Variants in CCDC73 observed in about 807,000 individuals in gnomAD.
CCDC73 encodes coiled-coil domain containing 73.
Under a neutral mutation model 116.5 loss-of-function variants are expected in CCDC73, and 95 were observed. That is an observed-to-expected ratio of 0.82 (90% confidence interval 0.69 to 0.97). The LOEUF is 0.97. CCDC73 is among the 50% of genes least tolerant of loss of function. The probability of loss-of-function intolerance (pLI) is 0.00; values close to 1 mark genes in which losing one functional copy is unlikely to be tolerated. For missense variants in CCDC73, 1,066 were observed against 1,206.8 expected (o/e 0.88, Z 1.73); for synonymous variants, 398 against 401.3 (o/e 0.99, Z 0.10).
At chr11:32,658,803 A>T (rs1275970510) in intron 9 of CCDC73, among the ~76,000 whole-genome samples, 1 of 152,168 alleles carries the variant, frequency 6.6e-6, no homozygotes, top group Admixed American at 6.5e-5. Flanking sequence ...TAGACTGAAC[A>T]AAGAGAATAA....
At chr11:32,734,447 G>C (rs1378566119) in intron 2 of CCDC73, among the ~76,000 whole-genome samples, 2 of 105,926 alleles carry the variant, frequency 1.9e-5, no homozygotes, top group Non-Finnish European at 3.9e-5. Context: ...TTTTTTTATT[G>C]ATCATTCTTG....
chr11:32,629,834 T>A (rs1254014010), intron 14 of CCDC73, among the ~76,000 whole-genome samples: 3 of 146,774 alleles, frequency 2.0e-5, no homozygotes, highest in Non-Finnish European at 4.4e-5. Context: ...TAGAATTTTA[T>A]ATCCAGTGAA....
At chr11:32,769,055 C>T (rs998963476) in intron 1 of CCDC73, among the ~76,000 whole-genome samples, 3 of 152,130 alleles carry the variant, frequency 2.0e-5, no homozygotes, top group African/African-American at 7.2e-5. Context: ...AAAAGTTTGA[C>T]ATTACCAAGT....
chr11:32,797,009 C>CAAAA (rs1163144111), upstream of CCDC73, among the ~76,000 whole-genome samples: 33 of 74,592 alleles, frequency 4.4e-4, no homozygotes, highest in South Asian at 5.2e-4. Flanking sequence ...GAGACTGCCT[C>CAAAA]AAAAAAAAAA....
chr11:32,610,805 T>C (rs527623616), intron 17 of CCDC73, among the ~76,000 whole-genome samples: 1 of 152,376 alleles, frequency 6.6e-6, no homozygotes, highest in African/African-American at 2.4e-5. Context: ...AGCTTACTTT[T>C]AGACATAACC....
At chr11:32,804,016 A>G in the CCDC73 span, among the ~76,000 whole-genome samples, 2 of 151,794 alleles carry the variant, frequency 1.3e-5, no homozygotes, top group Admixed American at 6.6e-5. Context: ...CACCATGTTG[A>G]CCAGGCTAGT....
At chr11:32,752,720 T>C (rs561885387) in intron 2 of CCDC73, among the ~76,000 whole-genome samples, 1 of 152,378 alleles carries the variant, frequency 6.6e-6, no homozygotes, top group East Asian at 1.9e-4. Context: ...TGTTCATTTT[T>C]CTGTTGGGTT....
At chr11:32,672,985 T>C (rs960585096) in intron 9 of CCDC73, among the ~76,000 whole-genome samples, 2 of 152,160 alleles carry the variant, frequency 1.3e-5, no homozygotes, top group Non-Finnish European at 2.9e-5. Context: ...GTCAATAGTA[T>C]TATAATATTA....
Position 32,614,630 on chromosome 11 carries a change from G to T in CCDC73, c.1688C>A (p.Thr563Lys), listed in dbSNP as rs1285542249. 1 of 1,612,624 alleles carries T rather than the reference G, an allele frequency of 6.2e-7. No homozygotes were observed. Among genetic ancestry groups the T allele is most frequent in the Admixed American group, 1.7e-5 (1 of 59,944 alleles). Residue 563 changes from threonine to lysine, a missense_variant, in exon 16 of 18, where the codon ACA (threonine) becomes AAA (lysine). Coordinates refer to ENST00000335185, the MANE Select transcript of CCDC73 (RefSeq NM_001008391.4). ...ATTTTCAACCTCCAGATTTACATCTGTATGGTGAACATCTAATCCTCTGGT... is the reference window on the plus strand; with the variant it reads ...ATTTTCAACCTCCAGATTTACATCTTTATGGTGAACATCTAATCCTCTGGT... ...ERTRGLDVHH[T>K]DVNLEVENNK...
chr11:32,679,445 C>T (rs2133291526), intron 7 of CCDC73, among the ~76,000 whole-genome samples: 1 of 152,194 alleles, frequency 6.6e-6, no homozygotes, highest in East Asian at 1.9e-4. Flanking sequence ...CTCACTGCAA[C>T]CTCCACCTCC....
chr11:32,682,644 C>T (rs973732032), intron 7 of CCDC73: 1 of 151,844 alleles, frequency 6.6e-6, no homozygotes, highest in Non-Finnish European at 1.5e-5. Flanking sequence ...CATAGCCCCA[C>T]CCAAAAAGCC....
chr11:32,678,894 AAAAATAT>A lies in CCDC73; in HGVS notation c.430-2880_430-2874del, dbSNP rs1489458400. Among the ~76,000 whole-genome samples the A allele has an allele frequency of 1.4e-4, 18 of 124,422 alleles. No individual in the cohort carries two copies. In the South Asian group the frequency reaches 2.6e-3, roughly 18 times the overall value. 81.6% of individuals were successfully genotyped at this position (124,422 alleles called of 152,430 possible). ...CAAGGCTCCGTCACAAAAAAAAAAAAAAAATATATATATATACACACACACACAGACA... is the reference window on the plus strand; with the variant it reads ...CAAGGCTCCGTCACAAAAAAAAAAAAATATATATACACACACACACAGACA... On this transcript the variant is annotated intron_variant, in intron 7 of 17. Transcript: ENST00000335185.
chr11:32,739,174 C>T (rs1265019699), intron 2 of CCDC73, among the ~76,000 whole-genome samples: 1 of 152,056 alleles, frequency 6.6e-6, no homozygotes, highest in Non-Finnish European at 1.5e-5. Context: ...TTTGGCTAGT[C>T]TGGGTCTTTC....
rs34582756 is a variant in CCDC73, at chr11:32,686,209, C to CAAAAAAAAAAAA, written c.391-2647_391-2636dup. ...TGCTAGATACACTCTGAGGGAAAGC[C>CAAAAAAAAAAAA]AAAAAAAAAAAAAAAAAAAAAACCA... On this transcript the variant is annotated intron_variant, in intron 6 of 17. Coordinates refer to ENST00000335185, the MANE Select transcript of CCDC73 (RefSeq NM_001008391.4). 3.5e-5 allele frequency among the ~76,000 whole-genome samples: 2 copies of CAAAAAAAAAAAA among 56,858 alleles called. 1 individual carries two copies. The highest frequency in any genetic ancestry group is 5.9e-5 in the Non-Finnish European group (2 of 34,102). The allele number at this position is 56,858 out of a possible 152,430, so 37.3% of individuals were successfully genotyped here. A position where few individuals can be genotyped will look rare whatever the true frequency, so the allele number is the denominator to read the frequency against.
At chr11:32,702,304 TAGTCAAGAA>T (rs1170727073) in intron 4 of CCDC73, among the ~76,000 whole-genome samples, 1 of 152,204 alleles carries the variant, frequency 6.6e-6, no homozygotes, top group Non-Finnish European at 1.5e-5. Flanking sequence ...AGAGAAATTT[TAGTCAAGAA>T]AAGCTACAGA....
At chr11:32,655,801 G>A (rs77686885) in intron 9 of CCDC73, among the ~76,000 whole-genome samples, 1,819 of 152,312 alleles carry the variant, frequency 0.012, 39 homozygotes, top group African/African-American at 0.041. Flanking sequence ...GCAGTGTTGT[G>A]GAGGGTGGAA....
rs1244874844 is a variant in CCDC73 at position 32,706,531 on chromosome 11, A to G, written c.208-3587T>C. ...ATAAGTACTTATACGCAGAAAGTACATTAGAAAAATAATTGTCATGGTCTA... is the reference window on the plus strand; with the variant it reads ...ATAAGTACTTATACGCAGAAAGTACGTTAGAAAAATAATTGTCATGGTCTA... On this transcript the variant is annotated intron_variant, in intron 3 of 17. Coordinates refer to ENST00000335185, the MANE Select transcript of CCDC73 (RefSeq NM_001008391.4). 4.6e-5 allele frequency among the ~76,000 whole-genome samples: 7 copies of G among 152,376 alleles called. No individual in the cohort carries two copies. In the East Asian group the frequency reaches 7.7e-4, roughly 17 times the overall value.
intron 1 of CCDC73, among the ~76,000 whole-genome samples, chr11:32,778,239 A>C (rs898772282): frequency 9.2e-5 from 14 of 152,236 alleles, no homozygotes; most frequent in African/African-American, 3.4e-4. Flanking sequence ...CTGAGTCAGA[A>C]AATGGGGTTA....
rs552964545 is a variant in CCDC73 at position 32,607,496 on chromosome 11, A to T, written c.3030+3636T>A. Among the ~76,000 whole-genome samples, 25 of 152,336 alleles carry T rather than the reference A, an allele frequency of 1.6e-4. No individual in the cohort carries two copies. In the East Asian group the frequency reaches 4.8e-3, roughly 29 times the overall value. Reference sequence around the variant, plus strand: ...AATTATAAAAATGGGCTTTCAAGTGAGATGTGAAATTTCCACTGTTTGAAA... The same window carrying T: ...AATTATAAAAATGGGCTTTCAAGTGTGATGTGAAATTTCCACTGTTTGAAA... On this transcript the variant is annotated intron_variant, in intron 17 of 17. Coordinates refer to ENST00000335185, the MANE Select transcript of CCDC73 (RefSeq NM_001008391.4).
Sources: allele counts gnomAD v4.1 joint callset (sites outside exome capture counted in the v4.1 genomes callset), GRCh38; gene constraint gnomAD v4.1.1; transcripts MANE v1.5; gene names NCBI Gene and HGNC (gene_info 2026-07-23, HGNC 2026-07-21).